Variants in BCL11B observed in about 807,000 individuals in gnomAD.
The protein encoded by BCL11B is BCL11 transcription factor B.
Under a neutral mutation model 49.9 loss-of-function variants are expected in BCL11B, and 8 were observed. The observed-to-expected ratio is 0.16, with a 90% CI of 0.09 to 0.29. The LOEUF (loss-of-function observed/expected upper bound fraction) is 0.29. Ranked by LOEUF, BCL11B falls within the 10% of genes least tolerant of loss-of-function variation. The pLI, the probability that BCL11B is intolerant of heterozygous loss-of-function variation, is 1.00. For synonymous variants in BCL11B, 739 were observed against 637.4 expected (o/e 1.16, Z -2.40); for missense variants, 1,006 against 1,351.0 (o/e 0.74, Z 4.00).
At chr14:99,178,155 G>A (rs1334688753) in intron 3 of BCL11B, among the ~76,000 whole-genome samples, 3 of 152,170 alleles carry the variant, frequency 2.0e-5, no homozygotes, top group Non-Finnish European at 4.4e-5. Flanking sequence ...TAGAAACCGA[G>A]CCAGGCTGTT....
intron 2 of BCL11B, among the ~76,000 whole-genome samples, chr14:99,256,035 C>T (rs1028003170): frequency 6.6e-6 from 1 of 152,266 alleles, no homozygotes; most frequent in African/African-American, 2.4e-5. Context: ...GCTCACTAAG[C>T]CCCTTGTGCA....
At chr14:99,235,265 C>G (rs973771757) in intron 2 of BCL11B, among the ~76,000 whole-genome samples, 1 of 152,308 alleles carries the variant, frequency 6.6e-6, no homozygotes, top group African/African-American at 2.4e-5. Context: ...ATTTTTCTCC[C>G]TACTGGTGCC....
Position 99,175,876 on chromosome 14 carries a change from C to G in BCL11B, c.960G>C (p.Pro320=). The G allele has an allele frequency of 6.8e-7, 1 of 1,469,920 alleles. No homozygotes were observed. The highest frequency in any genetic ancestry group is 1.5e-5 in the African/African-American group (1 of 67,400). 91.1% of individuals were successfully genotyped at this position (1,469,920 alleles called of 1,614,324 possible). The change falls in exon 4 of 4, where the codon CCG becomes CCC. Residue 320 remains proline (P), a synonymous_variant. Transcript: ENST00000357195. ...LPGTPPLFSP[P]PRHHLDPHRL... is the part of the protein sequence containing the mutation. ...GGTGCGGGTCCAGGTGGTGGCGCGG[C>G]GGGGGACTGAAGAGAGGCGGCGTGC...
In BCL11B at chr14:99,229,030, G is replaced by A. The variant is rs893149673; in HGVS notation, c.640+2315C>T. Among the ~76,000 whole-genome samples, 3 of 125,034 alleles carry A rather than the reference G, an allele frequency of 2.4e-5. No individual in the cohort carries two copies. In the East Asian group the frequency reaches 6.6e-4, roughly 28 times the overall value. 82.0% of individuals were successfully genotyped at this position (125,034 alleles called of 152,430 possible). A position where few individuals can be genotyped will look rare whatever the true frequency, so the allele number is the denominator to read the frequency against. ...TGGATGGATGGATGGATGGATGGAT[G>A]GATGGATGGATGCATGGATGGATGG... is the stretch of plus-strand genomic sequence containing the variant. On this transcript the variant is annotated intron_variant, in intron 3 of 3. Coordinates refer to ENST00000357195, the MANE Select transcript of BCL11B (RefSeq NM_138576.4).
chr14:99,203,145 C>T (rs780353835), intron 3 of BCL11B, among the ~76,000 whole-genome samples: 7 of 152,280 alleles, frequency 4.6e-5, no homozygotes, highest in Non-Finnish European at 8.8e-5. Context: ...ATCTGGAAGG[C>T]AAGGGCTGCT....
chr14:99,183,170 C>A (rs710308), intron 3 of BCL11B, among the ~76,000 whole-genome samples: 108,371 of 151,936 alleles, frequency 0.71, 40,227 homozygotes, highest in African/African-American at 0.93. Flanking sequence ...GTTTGACTCA[C>A]CTTGGGGGTT....
intron 1 of BCL11B, among the ~76,000 whole-genome samples, chr14:99,270,628 G>T (rs1341934608): frequency 5.9e-5 from 9 of 151,930 alleles, no homozygotes; most frequent in Non-Finnish European, 1.2e-4. Context: ...AGGGACCGGG[G>T]ACCCGGAGCC....
In BCL11B at chr14:99,174,060, G is replaced by C. The variant is rs1886381419; in HGVS notation, c.*91C>G. The C allele has an allele frequency of 2.2e-6, 3 of 1,336,290 alleles. No homozygotes were observed. The highest frequency in any genetic ancestry group is 1.3e-5 in the South Asian group (1 of 76,924). 82.8% of individuals were successfully genotyped at this position (1,336,290 alleles called of 1,614,324 possible). A position where few individuals can be genotyped will look rare whatever the true frequency, so the allele number is the denominator to read the frequency against. On this transcript the variant is annotated 3_prime_UTR_variant, in exon 4 of 4. Transcript: ENST00000357195. ...GGCCCCGGGGACACGCGGGGTGCGG[G>C]GTGGCGGTGACACGGAGGCAAGTCA... is the stretch of plus-strand genomic sequence containing the variant.
chr14:99,181,674 G>A (rs2139774957), intron 3 of BCL11B, among the ~76,000 whole-genome samples: 1 of 152,350 alleles, frequency 6.6e-6, no homozygotes, highest in South Asian at 2.1e-4. Context: ...GAGAGGAGAA[G>A]GGGAGACGTT....
In BCL11B at chr14:99,184,148, C is replaced by T. The variant is rs186573617; in HGVS notation, c.641-7953G>A. Among the ~76,000 whole-genome samples the T allele has an allele frequency of 6.6e-6, 1 of 152,258 alleles. No homozygotes were observed. The highest frequency in any genetic ancestry group is 2.4e-5 in the African/African-American group (1 of 41,560). ...ACTTGCTGCCTGCCTTTTGCACACA[C>T]CCATGAGCTGCCCACTCGCCCTCTC... On this transcript the variant is annotated intron_variant, in intron 3 of 3. Transcript: ENST00000357195. This position sits in a 1 kb window ranked among gnomAD's most constrained non-coding sequence, Gnocchi z 6.1.
In BCL11B at chr14:99,227,565, C is replaced by T. The variant is rs78957165; in HGVS notation, c.640+3780G>A. On this transcript the variant is annotated intron_variant, in intron 3 of 3. Coordinates refer to ENST00000357195, the MANE Select transcript of BCL11B (RefSeq NM_138576.4). ...TCCAAACCATTCTCTGAATGTCCCA[C>T]GCCCTGCCCTGGAAACCTAGCTAGC... Among the ~76,000 whole-genome samples the T allele has an allele frequency of 8.1e-3, 1,228 of 152,320 alleles. 15 individuals are homozygous for T. Among genetic ancestry groups the T allele is most frequent in the Middle Eastern group, 0.051 (15 of 294 alleles).
chr14:99,208,899 C>T (rs773858425), intron 3 of BCL11B, among the ~76,000 whole-genome samples: 2 of 152,236 alleles, frequency 1.3e-5, no homozygotes, highest in Non-Finnish European at 2.9e-5. Flanking sequence ...GCCACATACA[C>T]TGCAGCCAGG....
intron 2 of BCL11B, among the ~76,000 whole-genome samples, chr14:99,252,594 C>T (rs1419597500): frequency 1.3e-5 from 2 of 152,188 alleles, no homozygotes; most frequent in Non-Finnish European, 2.9e-5. Flanking sequence ...CCGCGTCCTC[C>T]CTAGGTTGTG....
chr14:99,199,677 TGTGTGTGCGC>T (rs1887296332), intron 3 of BCL11B, among the ~76,000 whole-genome samples: 4 of 112,112 alleles, frequency 3.6e-5, no homozygotes, highest in East Asian at 2.7e-4. Flanking sequence ...TGTGTGTGTG[TGTGTGTGCGC>T]GCGCGCGCGC....
At chr14:99,179,879 A>T (rs1356904060) in intron 3 of BCL11B, among the ~76,000 whole-genome samples, 1 of 152,148 alleles carries the variant, frequency 6.6e-6, no homozygotes, top group Non-Finnish European at 1.5e-5. Flanking sequence ...CCTGAGCATG[A>T]GGCTTGCTCA....
chr14:99,259,638 A>C (rs1183018652), intron 1 of BCL11B, among the ~76,000 whole-genome samples: 1 of 152,222 alleles, frequency 6.6e-6, no homozygotes, highest in Non-Finnish European at 1.5e-5. Context: ...AGGAAATCCT[A>C]AATCTGTTGT....
intron 3 of BCL11B, among the ~76,000 whole-genome samples, chr14:99,227,455 TCATA>T (rs749049508): frequency 1.3e-5 from 2 of 152,058 alleles, no homozygotes; most frequent in Non-Finnish European, 2.9e-5. Flanking sequence ...CCAAGCAGTC[TCATA>T]CACTTGACCA....
In BCL11B at chr14:99,205,252, C is replaced by T. The variant is rs114513205; in HGVS notation, c.640+26093G>A. Among the ~76,000 whole-genome samples the T allele has an allele frequency of 3.2e-3, 482 of 152,214 alleles. 4 individuals are homozygous for T. The highest frequency in any genetic ancestry group is 0.011 in the African/African-American group (468 of 41,514). On this transcript the variant is annotated intron_variant, in intron 3 of 3. Coordinates refer to ENST00000357195, the MANE Select transcript of BCL11B (RefSeq NM_138576.4). The surrounding 1 kb of genome is among the most constrained non-coding windows in gnomAD (Gnocchi z 5.0). The stretch of plus-strand genomic sequence containing the variant: ...GTAGTGATGACGGCTCCATCCTACC[C>T]GGCCATTTCTTCATGGAGGTGTGGC...
intron 3 of BCL11B, among the ~76,000 whole-genome samples, chr14:99,198,078 G>C (rs1169295701): frequency 1.3e-5 from 2 of 152,228 alleles, no homozygotes; most frequent in Non-Finnish European, 2.9e-5. Flanking sequence ...GGGAGGAGGA[G>C]CTAATGAAAC....
Sources: gnomAD v4.1 joint callset for allele counts (sites outside exome capture counted in the v4.1 genomes callset) on GRCh38, gnomAD v4.1.1 for gene constraint, Gnocchi (gnomAD v3.1) non-coding constraint, MANE v1.5 for transcripts, NCBI Gene and HGNC (gene_info 2026-07-23, HGNC 2026-07-21) for gene names.